YWHAZ: variants seen among roughly 807,000 people sequenced by gnomAD.
YWHAZ encodes the protein tyrosine 3-monooxygenase/tryptophan 5-monooxygenase activation protein zeta.
For missense variants in YWHAZ, 79 were observed against 284.8 expected, an observed-to-expected ratio of 0.28 and a Z score of 5.20; for synonymous variants, 87 against 103.6, an observed-to-expected ratio of 0.84 and a Z score of 0.97.
intron 2 of YWHAZ, among the ~76,000 whole-genome samples, chr8:100,930,007 A>T (rs1263080036): frequency 6.6e-6 from 1 of 152,232 alleles, no homozygotes; most frequent in African/African-American, 2.4e-5. Context: ...CTACAATAGT[A>T]CAATGAAAGC....
At position 100,918,790 on chromosome 8, in the gene YWHAZ, A is replaced by AC. The variant is rs933753905; in HGVS notation, c.*1902_*1903insG. 7.2e-5 allele frequency: 11 copies of AC among 152,608 alleles called. No individual in the cohort carries two copies. The East Asian group carries it at 1.9e-3, about 27-fold the overall frequency. 9.5% of individuals were successfully genotyped at this position (152,608 alleles called of 1,614,324 possible). The stretch of plus-strand genomic sequence containing the variant: ...AGGCACAATAGAACATACAGAAAAC[A>AC]TTGTCCCTGCTCTTGAGGAGCTTAC... On this transcript the variant is annotated 3_prime_UTR_variant, in exon 6 of 6. Coordinates refer to ENST00000395958, the MANE Select transcript of YWHAZ (RefSeq NM_145690.3).
At chr8:100,940,638 A>G (rs924145269) in intron 2 of YWHAZ, among the ~76,000 whole-genome samples, 1 of 152,254 alleles carries the variant, frequency 6.6e-6, no homozygotes, top group Non-Finnish European at 1.5e-5. Flanking sequence ...CAATAAAGTG[A>G]TATCACAGAG....
chr8:100,923,922 C>A, intron 5 of YWHAZ, 33 bp downstream of exon 5: 1 of 1,542,554 alleles, frequency 6.5e-7, no homozygotes, highest in South Asian at 1.2e-5. Flanking sequence ...TCTTCAACCA[C>A]ATTCATCACT....
upstream of YWHAZ, chr8:100,952,910 C>A: frequency 1.0e-6 from 1 of 1,000,446 alleles, no homozygotes; most frequent in Non-Finnish European, 1.2e-6. Context: ...AGTGAGGCGT[C>A]CAGCCCCTGA....
At chr8:100,939,817 C>T (rs930567801) in intron 2 of YWHAZ, among the ~76,000 whole-genome samples, 2 of 152,160 alleles carry the variant, frequency 1.3e-5, no homozygotes, top group South Asian at 4.1e-4. Flanking sequence ...GTTAGGAGAT[C>T]GAGACCAACC....
At chr8:100,920,804 G>GA in intron 5 of YWHAZ, 52 bp from the exon 6 acceptor site, 1 of 685,336 alleles carries the variant, frequency 1.5e-6, no homozygotes. Context: ...ATGGGGGGGG[G>GA]GGGGCGTTTT....
chr8:100,921,675 T>G (rs778874659), intron 5 of YWHAZ, among the ~76,000 whole-genome samples: 1 of 152,242 alleles, frequency 6.6e-6, no homozygotes, highest in Non-Finnish European at 1.5e-5. Context: ...AAACCCTCAA[T>G]TACTTTTGCA....
intron 5 of YWHAZ, 190 bp downstream of exon 5, chr8:100,923,765 G>C: frequency 2.1e-6 from 1 of 470,490 alleles, no homozygotes; most frequent in Non-Finnish European, 3.7e-6. Context: ...TTAGTTCTCA[G>C]TCTAATATTT....
At chr8:100,951,689 C>A in intron 1 of YWHAZ, 1 of 985,388 alleles carries the variant, frequency 1.0e-6, no homozygotes, top group Non-Finnish European at 1.2e-6. Flanking sequence ...GGGGAGCGAG[C>A]ACCGATCGGC....
In YWHAZ at chr8:100,939,186, A is replaced by G. The variant is rs553097516; in HGVS notation, c.294+9410T>C. Among the ~76,000 whole-genome samples, 5 of 152,320 alleles carry G rather than the reference A, an allele frequency of 3.3e-5. No homozygotes were observed. In the South Asian group the frequency reaches 6.2e-4, roughly 19 times the overall value. On this transcript the variant is annotated intron_variant, in intron 2 of 5. Transcript: ENST00000395958. The stretch of plus-strand genomic sequence containing the variant: ...CCCCAAAACAAAAGATACCTACACT[A>G]AACAATGCTGATAGAAAGCCCCATC...
chr8:100,950,526 G>T (rs1433180767), intron 1 of YWHAZ: 2 of 985,574 alleles, frequency 2.0e-6, no homozygotes, highest in Non-Finnish European at 2.4e-6. Context: ...TCGGAGCCAC[G>T]GCTCAAGTCC....
At chr8:100,952,237 G>C (rs1810849767), upstream of YWHAZ, 1 of 833,112 alleles carries the variant, frequency 1.2e-6, no homozygotes, top group Non-Finnish European at 1.4e-6. Flanking sequence ...AGGCGCGCGC[G>C]TCCTCGCCCG....
rs1813208942 is a variant in YWHAZ, at chr8:100,924,177, C to T, written c.540G>A (p.Glu180=). The T allele has an allele frequency of 6.2e-7, 1 of 1,613,542 alleles. No individual in the cohort carries two copies. Among genetic ancestry groups the T allele is most frequent in the Non-Finnish European group, 8.5e-7 (1 of 1,179,846 alleles). The stretch of plus-strand genomic sequence containing the variant: ...AGGCTTTCTCTGGGGAGTTCAGAAT[C>T]TCATAATAGAACACAGAGAAGTTAA... The part of the protein sequence containing the change: ...LALNFSVFYY[E]ILNSPEKACS... Residue 180 remains glutamate, a synonymous_variant, in exon 4 of 6, where the codon GAG becomes GAA. Coordinates refer to ENST00000395958, the MANE Select transcript of YWHAZ (RefSeq NM_145690.3). The surrounding 1 kb of genome is among the most constrained non-coding windows in gnomAD (Gnocchi z 5.7).
rs1586070290 is a variant in YWHAZ at position 100,917,684 on chromosome 8, A to G, written c.*3009T>C. The G allele has an allele frequency of 6.6e-6, 1 of 152,206 alleles. No homozygotes were observed. The highest frequency in any genetic ancestry group is 2.1e-4 in the South Asian group (1 of 4,832). 9.4% of individuals were successfully genotyped at this position (152,206 alleles called of 1,614,324 possible). Reference sequence around the variant, plus strand: ...CAGTGAGCCGAGATCAGGCCACTGCACCCCAGCCTGGGCGAGAGTTGACAC... The same window carrying G: ...CAGTGAGCCGAGATCAGGCCACTGCGCCCCAGCCTGGGCGAGAGTTGACAC... On this transcript the variant is annotated 3_prime_UTR_variant, in exon 6 of 6. Coordinates refer to ENST00000395958, the MANE Select transcript of YWHAZ (RefSeq NM_145690.3).
rs1265295396 is a variant in YWHAZ at position 100,924,994 on chromosome 8, T to C, written c.340A>G (p.Ser114Gly). 6.2e-7 allele frequency: 1 copy of C among 1,614,020 alleles called. No individual in the cohort carries two copies. Among genetic ancestry groups the C allele is most frequent in the South Asian group, 1.1e-5 (1 of 91,080 alleles). The change falls in exon 3 of 6, where the codon AGC (serine) becomes GGC (glycine). Residue 114 changes from serine (S) to glycine (G), a missense_variant. Transcript: ENST00000395958. The surrounding 1 kb of genome is among the most constrained non-coding windows in gnomAD (Gnocchi z 5.7). ...TTCATTTTCAAATAGAAGACTTTGC[T>C]CTCTGCTTGTGAAGCATTGGGGATC... ...FLIPNASQAESKVFYLKMKGD... is the reference protein window; with the variant it reads ...FLIPNASQAEGKVFYLKMKGD...
chr8:100,922,088 GT>G lies in YWHAZ; in HGVS notation c.679-1337del, dbSNP rs1384838409. Among the ~76,000 whole-genome samples the G allele has an allele frequency of 6.6e-6, 1 of 152,160 alleles. No individual in the cohort carries two copies. Among genetic ancestry groups the G allele is most frequent in the Non-Finnish European group, 1.5e-5 (1 of 68,026 alleles). On this transcript the variant is annotated intron_variant, in intron 5 of 5. Coordinates refer to ENST00000395958, the MANE Select transcript of YWHAZ (RefSeq NM_145690.3). This position sits in a 1 kb window ranked among gnomAD's most constrained non-coding sequence, Gnocchi z 4.1. ...GTGTGCTCCTCCTGTCAAACAAGGG[GT>G]TTTGTAATTGCAAGATGAAATTGTT...
intron 2 of YWHAZ, among the ~76,000 whole-genome samples, chr8:100,934,266 A>C (rs1813970526): frequency 6.7e-6 from 1 of 149,596 alleles, no homozygotes; most frequent in African/African-American, 2.5e-5. Context: ...ACAGGATGTC[A>C]TGGCTGCAGT....
intron 2 of YWHAZ, chr8:100,935,011 G>C (rs1586120729): frequency 6.6e-6 from 1 of 152,088 alleles, no homozygotes; most frequent in African/African-American, 2.4e-5. Flanking sequence ...AAAAAAATTG[G>C]ATGTGGTGGC....
chr8:100,919,175 T>A lies in YWHAZ; in HGVS notation c.*1518A>T, dbSNP rs1563663277. 1 of 152,262 alleles carries A rather than the reference T, an allele frequency of 6.6e-6. No individual in the cohort carries two copies. Among genetic ancestry groups the A allele is most frequent in the Non-Finnish European group, 1.5e-5 (1 of 68,024 alleles). 9.4% of individuals were successfully genotyped at this position (152,262 alleles called of 1,614,324 possible). ...TTTTTCCAAGTACATGGCCACCAAG[T>A]AAGAATGGTTGGTGACAAGACAGAA... On this transcript the variant is annotated 3_prime_UTR_variant, in exon 6 of 6. Coordinates refer to ENST00000395958, the MANE Select transcript of YWHAZ (RefSeq NM_145690.3).
Sources: gnomAD v4.1 joint callset for allele counts (sites outside exome capture counted in the v4.1 genomes callset) on GRCh38, gnomAD v4.1.1 for gene constraint, Gnocchi (gnomAD v3.1) non-coding constraint, MANE v1.5 for transcripts, NCBI Gene and HGNC (gene_info 2026-07-23, HGNC 2026-07-21) for gene names.